PTPRD: variants seen among roughly 807,000 people sequenced by gnomAD.
PTPRD encodes the protein protein tyrosine phosphatase receptor type D, also known as receptor-type tyrosine-protein phosphatase delta.
Under a neutral mutation model 214.5 loss-of-function variants are expected in PTPRD, and 34 were observed. The ratio of observed to expected loss-of-function variants is 0.16; its 90% confidence interval spans 0.12 to 0.21. The LOEUF is 0.21. Ranked by LOEUF, PTPRD falls within the 10% of genes least tolerant of loss-of-function variation. The pLI, the probability that PTPRD is intolerant of heterozygous loss-of-function variation, is 1.00. For synonymous variants in PTPRD, 1,128 were observed against 845.7 expected (o/e 1.33, Z -5.79); for missense variants, 2,545 against 2,398.7 (o/e 1.06, Z -1.27).
At chr9:9,002,815 C>G (rs977370417) in intron 11 of PTPRD, among the ~76,000 whole-genome samples, 1 of 152,036 alleles carries the variant, frequency 6.6e-6, no homozygotes, top group African/African-American at 2.4e-5. Context: ...GATTGGAGCC[C>G]TGCTCATTGC....
intron 9 of PTPRD, among the ~76,000 whole-genome samples, chr9:9,231,366 G>A (rs1370988160): frequency 6.6e-6 from 1 of 152,082 alleles, no homozygotes; most frequent in Non-Finnish European, 1.5e-5. Flanking sequence ...AGTAATTAGA[G>A]TATATTATTG....
intron 3 of PTPRD, among the ~76,000 whole-genome samples, chr9:10,204,016 C>G (rs1307833417): frequency 1.3e-5 from 2 of 152,114 alleles, no homozygotes; most frequent in Non-Finnish European, 2.9e-5. Context: ...CCCCCACTCC[C>G]CAATAGTGAA....
rs572140330 is a variant in PTPRD at position 9,095,869 on chromosome 9, T to G, written c.-142-77134A>C. Among the ~76,000 whole-genome samples the G allele has an allele frequency of 2.0e-5, 3 of 152,308 alleles. No homozygotes were observed. In the East Asian group the frequency reaches 5.8e-4, roughly 29 times the overall value. On this transcript the variant is annotated intron_variant, in intron 10 of 45. Coordinates refer to ENST00000381196, the MANE Select transcript of PTPRD (RefSeq NM_002839.4). ...AACAACCTGTCCATTGATGAACAAA[T>G]GGATTAAAAACCCCTGTGGTACATA...
At chr9:9,841,773 C>T (rs116383368) in intron 5 of PTPRD, among the ~76,000 whole-genome samples, 3,220 of 152,094 alleles carry the variant, frequency 0.021, 101 homozygotes, top group African/African-American at 0.073. Context: ...GATTTCTGTA[C>T]AAATGCATAA....
In PTPRD at chr9:10,559,641, AT is replaced by A. The variant is rs1566933120; in HGVS notation, c.-600+52756del. On this transcript the variant is annotated intron_variant, in intron 2 of 45. Coordinates refer to ENST00000381196, the MANE Select transcript of PTPRD (RefSeq NM_002839.4). The stretch of plus-strand genomic sequence containing the variant: ...CAGGCAACCCACAAAATGGGAGAAA[AT>A]TTTCACAACCTACTCACCTGAAAAA... Among the ~76,000 whole-genome samples the A allele has an allele frequency of 2.6e-5, 4 of 152,232 alleles. No homozygotes were observed. The South Asian group carries it at 6.2e-4, about 24-fold the overall frequency.
intron 2 of PTPRD, among the ~76,000 whole-genome samples, chr9:10,609,995 A>G (rs1443268905): frequency 6.6e-5 from 10 of 152,168 alleles, no homozygotes; most frequent in Non-Finnish European, 7.4e-5. Context: ...TGTAAGAGGA[A>G]TTAATCATTC....
intron 5 of PTPRD, among the ~76,000 whole-genome samples, chr9:9,843,779 A>G (rs943139279): frequency 6.6e-6 from 1 of 152,060 alleles, no homozygotes; most frequent in African/African-American, 2.4e-5. Flanking sequence ...AAATAATATT[A>G]AAATGAAAAC....
chr9:9,023,370 T>C (rs1390741632), intron 10 of PTPRD, among the ~76,000 whole-genome samples: 1 of 152,136 alleles, frequency 6.6e-6, no homozygotes, highest in African/African-American at 2.4e-5. Flanking sequence ...TACGTTTTTC[T>C]TTCTTTTTAC....
intron 8 of PTPRD, among the ~76,000 whole-genome samples, chr9:9,559,312 A>G (rs2082308427): frequency 6.6e-6 from 1 of 152,222 alleles, no homozygotes; most frequent in South Asian, 2.1e-4. Context: ...TTGGTTACCC[A>G]TGAACACACC....
chr9:8,494,304 T>C (rs2097212692), intron 26 of PTPRD, among the ~76,000 whole-genome samples: 1 of 152,198 alleles, frequency 6.6e-6, no homozygotes, highest in Non-Finnish European at 1.5e-5. Context: ...TATCTCACTG[T>C]GGAAATTCAA....
intron 7 of PTPRD, among the ~76,000 whole-genome samples, chr9:9,615,163 A>G (rs1257235127): frequency 6.6e-6 from 1 of 151,764 alleles, no homozygotes; most frequent in African/African-American, 2.4e-5. Context: ...GACACCTTGG[A>G]CTCCCTGGGC....
At chr9:8,615,234 A>C (rs2095572320) in intron 14 of PTPRD, among the ~76,000 whole-genome samples, 1 of 152,038 alleles carries the variant, frequency 6.6e-6, no homozygotes, top group African/African-American at 2.4e-5. Context: ...ATTAGCGTTA[A>C]TGGGAGCTGT....
chr9:8,787,908 A>AGC, intron 11 of PTPRD, among the ~76,000 whole-genome samples: 1 of 151,726 alleles, frequency 6.6e-6, no homozygotes, highest in African/African-American at 2.4e-5. Flanking sequence ...TTTGCACCCT[A>AGC]TCACCTTTTT....
intron 34 of PTPRD, among the ~76,000 whole-genome samples, chr9:8,447,640 C>A (rs1254100603): frequency 6.6e-6 from 1 of 152,164 alleles, no homozygotes; most frequent in Non-Finnish European, 1.5e-5. Flanking sequence ...CCCATTCTTG[C>A]TTTGTGTTTA....
chr9:10,201,226 A>C (rs2099418888), intron 3 of PTPRD, among the ~76,000 whole-genome samples: 1 of 152,110 alleles, frequency 6.6e-6, no homozygotes, highest in African/African-American at 2.4e-5. Flanking sequence ...TGAACATAGT[A>C]TAAAAAGCCA....
At position 10,449,190 on chromosome 9, in the gene PTPRD, C is replaced by T. The variant is rs561256133; in HGVS notation, c.-599-108173G>A. 2.6e-5 allele frequency among the ~76,000 whole-genome samples: 4 copies of T among 152,100 alleles called. No homozygotes were observed. In the South Asian group the frequency reaches 8.3e-4, roughly 32 times the overall value. ...AAGTGCCTGGGATTGCGGGCGGGTG[C>T]CGCCACGCCTGACTGGTTTTTGTAT... On this transcript the variant is annotated intron_variant, in intron 2 of 45. Coordinates refer to ENST00000381196, the MANE Select transcript of PTPRD (RefSeq NM_002839.4).
At chr9:10,095,025 A>G (rs1028878679) in intron 3 of PTPRD, among the ~76,000 whole-genome samples, 7 of 151,360 alleles carry the variant, frequency 4.6e-5, no homozygotes, top group African/African-American at 1.7e-4. Context: ...GGGTATTACA[A>G]CCTTAAGGTG....
At chr9:8,699,922 G>T (rs1234292777) in intron 12 of PTPRD, among the ~76,000 whole-genome samples, 3 of 152,102 alleles carry the variant, frequency 2.0e-5, no homozygotes, top group Non-Finnish European at 2.9e-5. Context: ...GGCCCTGATT[G>T]ATTTAACCAT....
chr9:10,474,773 TAACA>T (rs780782415), intron 2 of PTPRD, among the ~76,000 whole-genome samples: 6 of 152,064 alleles, frequency 3.9e-5, no homozygotes, highest in Non-Finnish European at 7.4e-5. Flanking sequence ...ATGGAAATCA[TAACA>T]AACAGTCACT....
Sources: allele counts gnomAD v4.1 joint callset (sites outside exome capture counted in the v4.1 genomes callset), GRCh38; gene constraint gnomAD v4.1.1; transcripts MANE v1.5; gene names NCBI Gene and HGNC (gene_info 2026-07-23, HGNC 2026-07-21).